Variants in GRM5 observed in about 807,000 individuals in gnomAD.
The protein encoded by GRM5 is glutamate metabotropic receptor 5.
In GRM5, 19 loss-of-function variants were observed where a neutral mutation model predicts 83.1. The ratio of observed to expected loss-of-function variants is 0.23; its 90% CI spans 0.16 to 0.34. The LOEUF (loss-of-function observed/expected upper bound fraction) is 0.34. Among genes scored for constraint, GRM5 ranks in the 10% least tolerant of loss-of-function variants. GRM5 has a pLI of 1.00. For synonymous variants in GRM5, 675 were observed against 633.6 expected (o/e 1.07, Z -0.98); for missense variants, 1,160 against 1,588.3 (o/e 0.73, Z 4.58).
intron 3 of GRM5, among the ~76,000 whole-genome samples, chr11:88,665,162 T>TACACACACACACACACACACACATACAC (rs1940007826): frequency 1.4e-5 from 2 of 140,910 alleles, no homozygotes; most frequent in African/African-American, 5.1e-5. Context: ...TTAATTTATT[T>TACACACACACACACACACACACATACAC]ACACACACAC....
At chr11:88,674,844 C>T (rs1365671928) in intron 3 of GRM5, among the ~76,000 whole-genome samples, 1 of 151,888 alleles carries the variant, frequency 6.6e-6, no homozygotes, top group African/African-American at 2.4e-5. Context: ...AATAATATTA[C>T]ATCTCTGCTT....
At chr11:88,973,616 C>T (rs1053039196) in intron 2 of GRM5, among the ~76,000 whole-genome samples, 4 of 152,238 alleles carry the variant, frequency 2.6e-5, no homozygotes, top group Admixed American at 2.0e-4. Context: ...CCCATCCTGC[C>T]AATACCCTGA....
chr11:88,982,239 A>T (rs1189476313), intron 2 of GRM5, among the ~76,000 whole-genome samples: 2 of 152,226 alleles, frequency 1.3e-5, no homozygotes, highest in South Asian at 4.1e-4. Context: ...AAAACATTCA[A>T]TGTCACTGCA....
At chr11:88,685,525 G>A (rs1206276398) in intron 3 of GRM5, among the ~76,000 whole-genome samples, 2 of 152,240 alleles carry the variant, frequency 1.3e-5, no homozygotes, top group African/African-American at 4.8e-5. Context: ...GGAGCCAAAT[G>A]TTAATCCCCA....
At chr11:88,881,775 CAG>C (rs1590935099) in intron 2 of GRM5, among the ~76,000 whole-genome samples, 1 of 150,972 alleles carries the variant, frequency 6.6e-6, no homozygotes, top group Admixed American at 6.6e-5. Flanking sequence ...AAACACAAAA[CAG>C]AAAAAAAAAT....
chr11:89,026,514 TA>T (rs1195710382), intron 2 of GRM5, among the ~76,000 whole-genome samples: 1 of 152,208 alleles, frequency 6.6e-6, no homozygotes, highest in Non-Finnish European at 1.5e-5. Flanking sequence ...ACATCTAAAA[TA>T]AAATTTTGTC....
chr11:88,818,070 G>T (rs186727841), intron 3 of GRM5, among the ~76,000 whole-genome samples: 2 of 151,762 alleles, frequency 1.3e-5, no homozygotes, highest in East Asian at 3.9e-4. Context: ...TTCCTTTTTG[G>T]TATGAAAAGA....
At position 88,862,396 on chromosome 11, in the gene GRM5, G is replaced by A. The variant is rs1197768523; in HGVS notation, c.662-12241C>T. Among the ~76,000 whole-genome samples the A allele has an allele frequency of 9.2e-5, 14 of 151,454 alleles. 1 individual carries two copies. Among genetic ancestry groups the A allele is most frequent in the African/African-American group, 3.1e-4 (13 of 41,318 alleles). On this transcript the variant is annotated intron_variant, in intron 2 of 9. Coordinates refer to ENST00000305447, the MANE Select transcript of GRM5 (RefSeq NM_001143831.3). The stretch of plus-strand genomic sequence containing the variant: ...CACTTAGCAAACTTTATTGTTTTTT[G>A]GGGAAATATAGTCATTTTCATAAAA...
At chr11:88,985,038 A>AC (rs141419582) in intron 2 of GRM5, among the ~76,000 whole-genome samples, 12,640 of 152,060 alleles carry the variant, frequency 0.083, 1,684 homozygotes, top group African/African-American at 0.28. Context: ...GTCCTTTGAT[A>AC]CAGGTACAGT....
chr11:88,815,942 G>C (rs368083796), intron 3 of GRM5, among the ~76,000 whole-genome samples: 1 of 150,364 alleles, frequency 6.7e-6, no homozygotes, highest in Admixed American at 6.6e-5. Flanking sequence ...GGCCGGGCGC[G>C]GTGGCTCACG....
In GRM5 at chr11:88,566,069, A is replaced by G. The variant is rs569099421; in HGVS notation, c.2630+984T>C. ...TATGTAGCTTCCATTTGAAATCTAC[A>G]TATCTTCCATTTATTTATCTAGATT... On this transcript the variant is annotated intron_variant, in intron 8 of 9. Coordinates refer to ENST00000305447, the MANE Select transcript of GRM5 (RefSeq NM_001143831.3). Among the ~76,000 whole-genome samples, 4 of 152,340 alleles carry G rather than the reference A, an allele frequency of 2.6e-5. No homozygotes were observed. The East Asian group carries it at 5.8e-4, about 22-fold the overall frequency.
At chr11:88,805,370 T>C (rs928472376) in intron 3 of GRM5, among the ~76,000 whole-genome samples, 2 of 152,038 alleles carry the variant, frequency 1.3e-5, no homozygotes, top group African/African-American at 2.4e-5. Flanking sequence ...TTTTGTATTT[T>C]TAGTAGAGAT....
At chr11:88,806,521 C>A (rs1943501195) in intron 3 of GRM5, among the ~76,000 whole-genome samples, 1 of 152,086 alleles carries the variant, frequency 6.6e-6, no homozygotes, top group Non-Finnish European at 1.5e-5. Flanking sequence ...TAATCAAGTT[C>A]TAGAGGCAAG....
chr11:88,760,999 C>T (rs1057405519), intron 3 of GRM5, among the ~76,000 whole-genome samples: 2 of 151,916 alleles, frequency 1.3e-5, no homozygotes, highest in African/African-American at 4.8e-5. Flanking sequence ...TCAAAAAATG[C>T]AATACTGCTT....
intron 3 of GRM5, among the ~76,000 whole-genome samples, chr11:88,846,112 A>G (rs1164647404): frequency 6.6e-6 from 1 of 152,218 alleles, no homozygotes; most frequent in Admixed American, 6.5e-5. Flanking sequence ...TGTAATAATC[A>G]TCGTAGTAAA....
intron 3 of GRM5, among the ~76,000 whole-genome samples, chr11:88,836,528 G>A (rs1827116): frequency 0.026 from 3,892 of 152,154 alleles, 178 homozygotes; most frequent in African/African-American, 0.089. Flanking sequence ...GGCCAGGCGC[G>A]GTGGCTTATG....
intron 3 of GRM5, among the ~76,000 whole-genome samples, chr11:88,737,071 A>G (rs1941929295): frequency 6.6e-6 from 1 of 152,108 alleles, no homozygotes; most frequent in East Asian, 1.9e-4. Context: ...CTAGAGGAAG[A>G]AGGAGAAATT....
intron 3 of GRM5, among the ~76,000 whole-genome samples, chr11:88,739,103 T>A (rs12271760): frequency 0.22 from 32,742 of 152,082 alleles, 4,677 homozygotes; most frequent in Non-Finnish European, 0.32. Flanking sequence ...TCATTTTATA[T>A]CCTTTACTAG....
rs1942908153 is a variant in GRM5 at position 88,567,976 on chromosome 11, T to C, written c.1707A>G (p.Pro569=). The change falls in exon 8 of 10, where the codon CCA becomes CCG. Residue 569 remains proline (P), a synonymous_variant. Transcript: ENST00000305447. This position sits in a 1 kb window ranked among gnomAD's most constrained non-coding sequence, Gnocchi z 7.3. The part of the protein sequence containing the change: ...TDDLTGCDLI[P]VQYLRWGDPE... ...GGTCACCCCATCGAAGATACTGTACTGGGATCAAGTCACAACCTGCAGAGA... is the reference window on the plus strand; with the variant it reads ...GGTCACCCCATCGAAGATACTGTACCGGGATCAAGTCACAACCTGCAGAGA... 1 of 1,611,296 alleles carries C rather than the reference T, an allele frequency of 6.2e-7. No individual in the cohort carries two copies. The highest frequency in any genetic ancestry group is 1.7e-5 in the Admixed American group (1 of 59,854).
Sources: gnomAD v4.1 joint callset for allele counts (sites outside exome capture counted in the v4.1 genomes callset) on GRCh38, gnomAD v4.1.1 for gene constraint, Gnocchi (gnomAD v3.1) non-coding constraint, MANE v1.5 for transcripts, NCBI Gene and HGNC (gene_info 2026-07-23, HGNC 2026-07-21) for gene names.